The following SLC2A13 variants were observed in gnomAD, a reference collection of about 807,000 sequenced individuals.
The protein encoded by SLC2A13 is solute carrier family 2 member 13.
Under a neutral mutation model 64.4 loss-of-function variants are expected in SLC2A13, and 32 were observed. The ratio of observed to expected loss-of-function variants is 0.50; its 90% confidence interval spans 0.37 to 0.67. The LOEUF (loss-of-function observed/expected upper bound fraction) is 0.67, where lower values mean the gene tolerates loss of function less well. Among genes scored for constraint, SLC2A13 ranks in the 30% least tolerant of loss-of-function variants. The pLI, the probability that SLC2A13 is intolerant of heterozygous loss-of-function variation, is 0.00. For missense variants in SLC2A13, 743 were observed against 829.2 expected, an observed-to-expected ratio of 0.90 and a Z score of 1.28; for synonymous variants, 338 against 327.1, an observed-to-expected ratio of 1.03 and a Z score of -0.36.
intron 3 of SLC2A13, among the ~76,000 whole-genome samples, chr12:39,978,335 A>G (rs1304867548): frequency 1.3e-5 from 2 of 152,230 alleles, no homozygotes; most frequent in Admixed American, 6.5e-5. Context: ...ATGGCCGAAT[A>G]GGAACAGCTC....
chr12:39,874,523 G>A (rs1944131997), intron 4 of SLC2A13, among the ~76,000 whole-genome samples: 1 of 151,016 alleles, frequency 6.6e-6, no homozygotes, highest in African/African-American at 2.4e-5. Flanking sequence ...GCTAAGGCAG[G>A]AGAATTGCTT....
At chr12:39,976,833 G>A (rs1946768594) in intron 3 of SLC2A13, among the ~76,000 whole-genome samples, 1 of 151,952 alleles carries the variant, frequency 6.6e-6, no homozygotes, top group Non-Finnish European at 1.5e-5. Context: ...CCAACTTTCT[G>A]GACACTTAAC....
intron 7 of SLC2A13, among the ~76,000 whole-genome samples, chr12:39,793,722 A>C (rs1180510026): frequency 6.6e-6 from 1 of 152,136 alleles, no homozygotes; most frequent in Non-Finnish European, 1.5e-5. Flanking sequence ...GCTCTGAACA[A>C]TTCTCCAGAT....
At chr12:40,066,973 T>C (rs898740027) in intron 1 of SLC2A13, among the ~76,000 whole-genome samples, 14 of 152,218 alleles carry the variant, frequency 9.2e-5, no homozygotes, top group African/African-American at 3.4e-4. Context: ...AAGTAAATCA[T>C]ATATGTTATG....
rs568894132 is a variant in SLC2A13 at position 39,783,732 on chromosome 12, T to C, written c.1446-18874A>G. Among the ~76,000 whole-genome samples, 3 of 152,294 alleles carry C rather than the reference T, an allele frequency of 2.0e-5. No individual in the cohort carries two copies. The South Asian group carries it at 6.2e-4, about 32-fold the overall frequency. On this transcript the variant is annotated intron_variant, in intron 7 of 9. Coordinates refer to ENST00000280871, the MANE Select transcript of SLC2A13 (RefSeq NM_052885.4). ...TGGGGGTTGTTTGTTTTCTTGTAAATTTGTTTGAGTTCTTTGTAGATTCTG... is the reference window on the plus strand; with the variant it reads ...TGGGGGTTGTTTGTTTTCTTGTAAACTTGTTTGAGTTCTTTGTAGATTCTG...
chr12:39,991,637 T>C (rs1026171481), intron 3 of SLC2A13, among the ~76,000 whole-genome samples: 23 of 152,174 alleles, frequency 1.5e-4, no homozygotes, highest in Non-Finnish European at 2.1e-4. Flanking sequence ...AGCCCCTTTG[T>C]CCTCTGCTGC....
chr12:39,826,803 G>A (rs1942691921), intron 7 of SLC2A13, among the ~76,000 whole-genome samples: 1 of 129,960 alleles, frequency 7.7e-6, no homozygotes, highest in Non-Finnish European at 1.6e-5. Flanking sequence ...ATAACTTTCA[G>A]TATAATTGAA....
At chr12:39,802,616 G>T (rs1393523423) in intron 7 of SLC2A13, among the ~76,000 whole-genome samples, 1 of 152,082 alleles carries the variant, frequency 6.6e-6, no homozygotes, top group Non-Finnish European at 1.5e-5. Context: ...CTTAGATTGA[G>T]ACCGTTATCT....
intron 4 of SLC2A13, among the ~76,000 whole-genome samples, chr12:39,926,281 T>C (rs1442345093): frequency 6.6e-6 from 1 of 152,150 alleles, no homozygotes; most frequent in East Asian, 1.9e-4. Flanking sequence ...AAGTGATAAA[T>C]ATCTCTTTAG....
chr12:39,783,658 T>G (rs2135747015), intron 7 of SLC2A13, among the ~76,000 whole-genome samples: 1 of 152,350 alleles, frequency 6.6e-6, no homozygotes, highest in South Asian at 2.1e-4. Flanking sequence ...GTTGGCTGCA[T>G]AAATGTCTTC....
chr12:39,824,981 ATC>A (rs1198507227), intron 7 of SLC2A13, among the ~76,000 whole-genome samples: 2 of 152,194 alleles, frequency 1.3e-5, no homozygotes, highest in Non-Finnish European at 2.9e-5. Flanking sequence ...ACTGACTAGA[ATC>A]TGTGTGGGAG....
At chr12:39,954,049 C>G (rs1946276690) in intron 3 of SLC2A13, among the ~76,000 whole-genome samples, 1 of 152,194 alleles carries the variant, frequency 6.6e-6, no homozygotes, top group Admixed American at 6.5e-5. Flanking sequence ...TAATGGCTAT[C>G]AGCTTTCCCT....
At chr12:39,912,093 C>T (rs921593104) in intron 4 of SLC2A13, among the ~76,000 whole-genome samples, 3 of 151,998 alleles carry the variant, frequency 2.0e-5, no homozygotes, top group Non-Finnish European at 4.4e-5. Context: ...AGCTCCTCCA[C>T]TCAGTTCCTT....
chr12:39,877,039 T>C (rs1483765424), intron 4 of SLC2A13, among the ~76,000 whole-genome samples: 2 of 152,170 alleles, frequency 1.3e-5, no homozygotes, highest in African/African-American at 2.4e-5. Flanking sequence ...CAAAGTACAT[T>C]GACTACAGAG....
chr12:40,044,607 C>T (rs1216089264), intron 2 of SLC2A13, among the ~76,000 whole-genome samples: 1 of 152,076 alleles, frequency 6.6e-6, no homozygotes, highest in African/African-American at 2.4e-5. Flanking sequence ...AATGAAGTGC[C>T]AGAAAAATAG....
At chr12:39,951,204 TA>T in intron 4 of SLC2A13, 52 bp downstream of exon 4, 1 of 1,490,138 alleles carries the variant, frequency 6.7e-7, no homozygotes, top group Non-Finnish European at 9.3e-7. Flanking sequence ...CTATTTCACA[TA>T]AAATAATCCT....
intron 7 of SLC2A13, among the ~76,000 whole-genome samples, chr12:39,772,721 T>C (rs1345822466): frequency 6.6e-6 from 1 of 152,204 alleles, no homozygotes; most frequent in Non-Finnish European, 1.5e-5. Context: ...TTCTATTTAC[T>C]CTTTTCGTTA....
At chr12:39,891,230 G>T (rs1944601280) in intron 4 of SLC2A13, among the ~76,000 whole-genome samples, 1 of 150,518 alleles carries the variant, frequency 6.6e-6, no homozygotes, top group African/African-American at 2.4e-5. Context: ...ACCTTCTGCT[G>T]AGCTCTGCCT....
chr12:39,849,602 C>G (rs947905371), intron 6 of SLC2A13, among the ~76,000 whole-genome samples: 8 of 152,150 alleles, frequency 5.3e-5, no homozygotes, highest in Non-Finnish European at 1.0e-4. Context: ...TATAGAGTAA[C>G]TGAGCAGTTA....
Sources: gnomAD v4.1 joint callset for allele counts (sites outside exome capture counted in the v4.1 genomes callset) on GRCh38, gnomAD v4.1.1 for gene constraint, MANE v1.5 for transcripts, NCBI Gene and HGNC (gene_info 2026-07-23, HGNC 2026-07-21) for gene names.